The following WDHD1 variants were observed in gnomAD, a reference collection of about 807,000 sequenced individuals.
WDHD1 encodes the protein WD repeat and HMG-box DNA binding protein 1, also known as WD repeat and HMG-box DNA-binding protein 1.
Under a neutral mutation model 135.4 loss-of-function variants are expected in WDHD1, and 111 were observed. The observed-to-expected ratio is 0.82, with a 90% CI of 0.70 to 0.96. The LOEUF (loss-of-function observed/expected upper bound fraction) is 0.96. Ranked by LOEUF, WDHD1 falls within the 40% of genes least tolerant of loss-of-function variation. The pLI is 0.00. For missense variants in WDHD1, 1,351 were observed against 1,336.3 expected (o/e 1.01, Z -0.17); for synonymous variants, 434 against 439.0 (o/e 0.99, Z 0.14).
chr14:55,007,964 A>G (rs1324239270), intron 6 of WDHD1, among the ~76,000 whole-genome samples: 1 of 152,144 alleles, frequency 6.6e-6, no homozygotes, highest in Non-Finnish European at 1.5e-5. Context: ...TGACTCTCCA[A>G]ATCAAATGTG....
At chr14:54,964,638 CAA>C (rs112754983) in intron 18 of WDHD1, among the ~76,000 whole-genome samples, 8 of 126,574 alleles carry the variant, frequency 6.3e-5, no homozygotes, top group Non-Finnish European at 3.4e-5. Flanking sequence ...GACTTCGTTT[CAA>C]AAAAAAAAAA....
At chr14:55,005,756 T>G (rs143779072) in intron 7 of WDHD1, 278 of 380,526 alleles carry the variant, frequency 7.3e-4, no homozygotes, top group African/African-American at 5.4e-3. Context: ...CTCTGGGTAG[T>G]GCAGAAAGCC....
chr14:54,942,473 G>GT (rs1029359843), intron 25 of WDHD1, among the ~76,000 whole-genome samples: 3 of 151,932 alleles, frequency 2.0e-5, no homozygotes, highest in Non-Finnish European at 2.9e-5. Context: ...TCATTTGAGC[G>GT]TATGTATGTA....
At chr14:55,013,754 A>C (rs1252618260) in intron 2 of WDHD1, among the ~76,000 whole-genome samples, 158 bp from the exon 3 acceptor site, 1 of 152,126 alleles carries the variant, frequency 6.6e-6, no homozygotes, top group Non-Finnish European at 1.5e-5. Context: ...AAAAATTAAA[A>C]AATTAGCCAG....
rs1278736265 is a variant in WDHD1, at chr14:54,995,763, A to G, written c.993T>C (p.Asp331=). ...KDYNDLFDGD[D]MSNAGDFLND... ...TTAGAAAATCACCAGCATTACTCAT[A>G]TCATCTCCATCAAAAAGATCATTAT... Residue 331 remains aspartate, a synonymous_variant, in exon 11 of 26, where the codon GAT becomes GAC. Coordinates refer to ENST00000360586, the MANE Select transcript of WDHD1 (RefSeq NM_007086.4). The G allele has an allele frequency of 1.9e-6, 3 of 1,612,232 alleles. No homozygotes were observed. The highest frequency in any genetic ancestry group is 2.5e-6 in the Non-Finnish European group (3 of 1,179,192).
intron 16 of WDHD1, among the ~76,000 whole-genome samples, chr14:54,972,069 G>A (rs1239770173): frequency 6.6e-6 from 1 of 151,622 alleles, no homozygotes; most frequent in African/African-American, 2.4e-5. Context: ...TCAGGAAATC[G>A]AGACCATCCT....
Position 54,973,774 on chromosome 14 carries a change from T to G in WDHD1, c.2064-6380A>C, listed in dbSNP as rs1401034620. 2.0e-5 allele frequency among the ~76,000 whole-genome samples: 3 copies of G among 152,318 alleles called. No individual in the cohort carries two copies. In the East Asian group the frequency reaches 5.8e-4, roughly 29 times the overall value. On this transcript the variant is annotated intron_variant, in intron 16 of 25. Coordinates refer to ENST00000360586, the MANE Select transcript of WDHD1 (RefSeq NM_007086.4). Reference sequence around the variant, plus strand: ...ACATTTTTTTCTAAAATGTCCTGTTTAAAAACATTTTACAGCTCACTTTAT... The same window carrying G: ...ACATTTTTTTCTAAAATGTCCTGTTGAAAAACATTTTACAGCTCACTTTAT...
At chr14:55,007,174 G>A (rs2042085098) in intron 7 of WDHD1, 106 bp downstream of exon 7, 3 of 871,454 alleles carry the variant, frequency 3.4e-6, no homozygotes, top group South Asian at 3.3e-5. Flanking sequence ...GTTGCAGTGA[G>A]CCGAGATTGC....
chr14:54,993,439 T>A (rs1052851136), intron 11 of WDHD1, among the ~76,000 whole-genome samples: 2 of 152,132 alleles, frequency 1.3e-5, no homozygotes, highest in Admixed American at 1.3e-4. Flanking sequence ...AATCTTAACA[T>A]AACAGAGCCG....
intron 11 of WDHD1, among the ~76,000 whole-genome samples, chr14:54,993,856 T>C (rs909407585): frequency 2.0e-5 from 3 of 152,226 alleles, no homozygotes; most frequent in Admixed American, 6.5e-5. Flanking sequence ...ATTTCTAATA[T>C]GTAAATGACG....
At chr14:54,980,028 G>GT (rs1292853262) in intron 16 of WDHD1, among the ~76,000 whole-genome samples, 1 of 152,124 alleles carries the variant, frequency 6.6e-6, no homozygotes, top group Non-Finnish European at 1.5e-5. Flanking sequence ...ATATCATATG[G>GT]TAAGTATACA....
intron 2 of WDHD1, among the ~76,000 whole-genome samples, chr14:55,025,666 T>TA (rs1424618308): frequency 6.6e-6 from 1 of 152,266 alleles, no homozygotes; most frequent in East Asian, 1.9e-4. Flanking sequence ...GATTCCTTAA[T>TA]AAAGTCCAGA....
At chr14:54,961,340 T>TA (rs1170108747) in intron 21 of WDHD1, among the ~76,000 whole-genome samples, 4 of 151,498 alleles carry the variant, frequency 2.6e-5, no homozygotes, top group Admixed American at 6.6e-5. Flanking sequence ...TAAAATAAAA[T>TA]AAAAAAAAGA....
At chr14:55,026,288 A>G (rs1172885893) in intron 2 of WDHD1, among the ~76,000 whole-genome samples, 1 of 152,142 alleles carries the variant, frequency 6.6e-6, no homozygotes, top group Non-Finnish European at 1.5e-5. Flanking sequence ...TTTAGGAATC[A>G]GAGGAAAAAA....
At chr14:54,967,177 A>G in intron 17 of WDHD1, 103 bp downstream of exon 17, 3 of 949,252 alleles carry the variant, frequency 3.2e-6, no homozygotes, top group Non-Finnish European at 4.8e-6. Flanking sequence ...GTAATTATAC[A>G]GTAATGAATA....
intron 11 of WDHD1, among the ~76,000 whole-genome samples, chr14:54,994,910 T>G (rs939315365): frequency 6.6e-6 from 1 of 152,216 alleles, no homozygotes; most frequent in Non-Finnish European, 1.5e-5. Context: ...CACCTCTCTT[T>G]CATTCTCTAT....
At chr14:54,987,982 A>G (rs1313862939) in intron 13 of WDHD1, among the ~76,000 whole-genome samples, 2 of 152,222 alleles carry the variant, frequency 1.3e-5, no homozygotes, top group Non-Finnish European at 2.9e-5. Flanking sequence ...GAAGTGTATC[A>G]GTACTATAAT....
chr14:54,984,528 C>T (rs2041667243), intron 15 of WDHD1, among the ~76,000 whole-genome samples, 195 bp downstream of exon 15: 1 of 152,084 alleles, frequency 6.6e-6, no homozygotes, highest in African/African-American at 2.4e-5. Flanking sequence ...AGATCTTATA[C>T]ATAAAACAAT....
chr14:54,941,450 A>T lies in WDHD1; in HGVS notation c.*40T>A. The T allele has an allele frequency of 6.8e-7, 1 of 1,474,054 alleles. No individual in the cohort carries two copies. The highest frequency in any genetic ancestry group is 9.2e-7 in the Non-Finnish European group (1 of 1,089,240). 91.3% of individuals were successfully genotyped at this position (1,474,054 alleles called of 1,614,324 possible). ...CTCGAGTCTATATTCAAAGATGAGT[A>T]AAAAAAAATCCATTACTTCCCTAGG... is the stretch of plus-strand genomic sequence containing the variant. On this transcript the variant is annotated 3_prime_UTR_variant, in exon 26 of 26. Transcript: ENST00000360586.
Sources: allele counts gnomAD v4.1 joint callset (sites outside exome capture counted in the v4.1 genomes callset), GRCh38; gene constraint gnomAD v4.1.1; transcripts MANE v1.5; gene names NCBI Gene and HGNC (gene_info 2026-07-23, HGNC 2026-07-21).